XIAP: variants seen among roughly 807,000 people sequenced by gnomAD.
The protein encoded by XIAP is X-linked inhibitor of apoptosis, also known as E3 ubiquitin-protein ligase XIAP.
A neutral mutation model predicts 33.1 loss-of-function variants in XIAP; 3 were observed. The ratio of observed to expected loss-of-function variants is 0.09; its 90% confidence interval spans 0.04 to 0.23. XIAP has a LOEUF of 0.23. XIAP is among the 10% of genes least tolerant of loss of function. The pLI is 1.00. For missense variants in XIAP, 264 were observed against 363.0 expected (o/e 0.73, Z 2.22); for synonymous variants, 98 against 121.3 (o/e 0.81, Z 1.26).
intron 6 of XIAP, among the ~76,000 whole-genome samples, chrX:123,902,076 A>G (rs898380529): frequency 8.9e-6 from 1 of 112,223 alleles, no homozygotes; most frequent in African/African-American, 3.2e-5. Context: ...CAGAAACACA[A>G]GCAATTGTGT....
chrX:123,913,451 T>TA lies in XIAP; in HGVS notation c.*6271dup, dbSNP rs1336810008. ...CGCCACCGCACTCCAGCCTAGGTGA[T>TA]AGAGTGAGACTCCCTCTCAAAAACA... On this transcript the variant is annotated 3_prime_UTR_variant, in exon 7 of 7. Coordinates refer to ENST00000371199, the MANE Select transcript of XIAP (RefSeq NM_001167.4). 3 of 329,020 alleles carry TA rather than the reference T, an allele frequency of 9.1e-6. No homozygotes were observed. Among genetic ancestry groups the TA allele is most frequent in the Non-Finnish European group, 1.8e-5 (3 of 169,858 alleles). The allele number at this position is 329,020 out of a possible 1,213,427, so 27.1% of individuals were successfully genotyped here. A position where few individuals can be genotyped will look rare whatever the true frequency, so the allele number is the denominator to read the frequency against.
chrX:123,891,020 C>T (rs752699861), intron 3 of XIAP, among the ~76,000 whole-genome samples: 5 of 111,079 alleles, frequency 4.5e-5, no homozygotes, highest in Admixed American at 1.9e-4. Context: ...ATATTTTTTG[C>T]TCTACTAATA....
chrX:123,886,919 CTTTG>C (rs1465305412), intron 2 of XIAP, among the ~76,000 whole-genome samples: 5 of 111,220 alleles, frequency 4.5e-5, no homozygotes, highest in African/African-American at 1.3e-4. Flanking sequence ...TTCACAATAG[CTTTG>C]TTTGTTTGTT....
Position 123,909,628 on chromosome X carries a change from T to C in XIAP, c.*2447T>C, listed in dbSNP as rs1217834994. The C allele has an allele frequency of 3.0e-6, 1 of 329,744 alleles. No homozygotes were observed. Among genetic ancestry groups the C allele is most frequent in the Non-Finnish European group, 5.9e-6 (1 of 170,050 alleles). 27.2% of individuals were successfully genotyped at this position (329,744 alleles called of 1,213,427 possible). ...ACTCAAGGACTGAATTGTTTTAACA[T>C]AAGGCTTTTCCTGTTCTGGGAGCCG... On this transcript the variant is annotated 3_prime_UTR_variant, in exon 7 of 7. Transcript: ENST00000371199.
In XIAP at chrX:123,909,228, A is replaced by G. The variant is rs1285369146; in HGVS notation, c.*2047A>G. 2 of 307,880 alleles carry G rather than the reference A, an allele frequency of 6.5e-6. No individual in the cohort carries two copies. The highest frequency in any genetic ancestry group is 2.0e-4 in the East Asian group (2 of 10,063). The allele number at this position is 307,880 out of a possible 1,213,427, so 25.4% of individuals were successfully genotyped here. On this transcript the variant is annotated 3_prime_UTR_variant, in exon 7 of 7. Transcript: ENST00000371199. ...TTATTTTTAGTAGAGACGGGGTTTC[A>G]CCATGTTGGCCAGGCTGGTATCAAA...
chrX:123,898,436 C>T (rs2053479957), intron 5 of XIAP, among the ~76,000 whole-genome samples: 1 of 111,461 alleles, frequency 9.0e-6, no homozygotes, highest in African/African-American at 3.3e-5. Flanking sequence ...GATCTCGGCT[C>T]ACCGCAACCT....
In XIAP at chrX:123,913,056, C is replaced by G. The variant is rs1255034914; in HGVS notation, c.*5875C>G. 3.1e-6 allele frequency: 1 copy of G among 321,174 alleles called. No homozygotes were observed. The highest frequency in any genetic ancestry group is 3.2e-5 in the Admixed American group (1 of 31,460). The allele number at this position is 321,174 out of a possible 1,213,427, so 26.5% of individuals were successfully genotyped here. A position where few individuals can be genotyped will look rare whatever the true frequency, so the allele number is the denominator to read the frequency against. On this transcript the variant is annotated 3_prime_UTR_variant, in exon 7 of 7. Transcript: ENST00000371199. Reference sequence around the variant, plus strand: ...TCGGCCTCACAAAGTGCTGGGATTACAGGTGTGAACCACTGCTCCCGGCCT... The same window carrying G: ...TCGGCCTCACAAAGTGCTGGGATTAGAGGTGTGAACCACTGCTCCCGGCCT...
chrX:123,886,572 C>T (rs775923725), intron 2 of XIAP, 33 bp downstream of exon 2: 3 of 1,191,875 alleles, frequency 2.5e-6, no homozygotes, highest in Non-Finnish European at 3.4e-6. Context: ...TAAATAGCTT[C>T]CCAAGTATGC....
intron 5 of XIAP, among the ~76,000 whole-genome samples, chrX:123,897,630 T>A (rs965571489): frequency 9.0e-6 from 1 of 111,289 alleles, no homozygotes; most frequent in Non-Finnish European, 1.9e-5. Flanking sequence ...TAGTGCGATC[T>A]TGGCTCACTG....
chrX:123,902,842 G>C (rs2053525570), intron 6 of XIAP, among the ~76,000 whole-genome samples: 1 of 111,660 alleles, frequency 9.0e-6, no homozygotes, highest in African/African-American at 3.2e-5. Context: ...TTCTAGAAGA[G>C]GTTTTAAATA....
rs1445120674 is a variant in XIAP at position 123,908,037 on chromosome X, C to T, written c.*856C>T. The stretch of plus-strand genomic sequence containing the variant: ...TCTACTTTTTTCATTTTGTTCTGTT[C>T]GAATTTTTTATAAGTATGTATTACT... On this transcript the variant is annotated 3_prime_UTR_variant, in exon 7 of 7. Transcript: ENST00000371199. 6 of 367,586 alleles carry T rather than the reference C, an allele frequency of 1.6e-5. No individual in the cohort carries two copies. The highest frequency in any genetic ancestry group is 5.9e-5 in the East Asian group (1 of 16,827). 30.3% of individuals were successfully genotyped at this position (367,586 alleles called of 1,213,427 possible). A position where few individuals can be genotyped will look rare whatever the true frequency, so the allele number is the denominator to read the frequency against.
rs776377233 is a variant in XIAP at position 123,900,587 on chromosome X, G to T, written c.1194G>T (p.Gln398His). Residue 398 changes from glutamine (Q) to histidine (H), a missense_variant, in exon 6 of 7, where the codon CAG becomes CAT. Coordinates refer to ENST00000371199, the MANE Select transcript of XIAP (RefSeq NM_001167.4). ...AGAAAATAATGGAGGAAAAAATTCA[G>T]ATATCTGGGAGCAACTATAAATCAC... ...DIKKIMEEKIQISGSNYKSLE... is the reference protein window; with the variant it reads ...DIKKIMEEKIHISGSNYKSLE... 35 of 1,209,287 alleles carry T rather than the reference G, an allele frequency of 2.9e-5. No individual in the cohort carries two copies. The Middle Eastern group carries it at 6.9e-4, about 24-fold the overall frequency.
intron 5 of XIAP, among the ~76,000 whole-genome samples, chrX:123,893,182 G>A (rs1434334146): frequency 1.8e-5 from 2 of 109,559 alleles, no homozygotes; most frequent in African/African-American, 6.6e-5. Context: ...GTTCTTCCAA[G>A]GTCACCATGA....
chrX:123,913,413 G>T lies in XIAP; in HGVS notation c.*6232G>T, dbSNP rs1422146431. On this transcript the variant is annotated 3_prime_UTR_variant, in exon 7 of 7. Transcript: ENST00000371199. ...TGAACCTGGGAGGCGGAGGTTGCAG[G>T]GAGCCAAGATGGCGCCACCGCACTC... is the stretch of plus-strand genomic sequence containing the variant. 3.1e-6 allele frequency: 1 copy of T among 326,824 alleles called. No individual in the cohort carries two copies. Among genetic ancestry groups the T allele is most frequent in the East Asian group, 9.7e-5 (1 of 10,272 alleles). 26.9% of individuals were successfully genotyped at this position (326,824 alleles called of 1,213,427 possible).
chrX:123,892,740 A>G lies in XIAP; in HGVS notation c.1066A>G (p.Thr356Ala). ...HSLEECLVRT[T>A]EKTPSLTRRI... Reference sequence around the variant, plus strand: ...CCTATTTCTGTTACAGGTAAGAACTACTGAGAAAACACCATCACTAACTAG... The same window carrying G: ...CCTATTTCTGTTACAGGTAAGAACTGCTGAGAAAACACCATCACTAACTAG... Residue 356 changes from threonine (T) to alanine (A), a missense_variant, in exon 5 of 7, where the codon ACT (threonine) becomes GCT (alanine). Physicochemically the swap from Thr to Ala is moderately conservative, Grantham distance 58. Coordinates refer to ENST00000371199, the MANE Select transcript of XIAP (RefSeq NM_001167.4). 1 of 1,203,177 alleles carries G rather than the reference A, an allele frequency of 8.3e-7. No individual in the cohort carries two copies. Among genetic ancestry groups the G allele is most frequent in the Non-Finnish European group, 1.1e-6 (1 of 888,190 alleles).
intron 5 of XIAP, among the ~76,000 whole-genome samples, chrX:123,893,062 C>T (rs777048581): frequency 1.8e-4 from 20 of 108,630 alleles, no homozygotes; most frequent in Middle Eastern, 4.7e-3. Context: ...TCTTGTGATG[C>T]GCCCGCCTCG....
chrX:123,912,216 G>GAAAAAAAAAAAAAAAAAAA lies in XIAP; in HGVS notation c.*5047_*5048insAAAAAAAAAAAAAAAAAAA. 1 of 207,689 alleles carries GAAAAAAAAAAAAAAAAAAA rather than the reference G, an allele frequency of 4.8e-6. No individual in the cohort carries two copies. The highest frequency in any genetic ancestry group is 8.7e-6 in the Non-Finnish European group (1 of 114,936). 17.1% of individuals were successfully genotyped at this position (207,689 alleles called of 1,213,427 possible). ...ACCAAGGAGGAATTGAAAACACTGAGAAAAAAAAAAAAGACCACACAATAA... is the reference window on the plus strand; with the variant it reads ...ACCAAGGAGGAATTGAAAACACTGAGAAAAAAAAAAAAAAAAAAAAAAAAAAAAAAAGACCACACAATAA... On this transcript the variant is annotated 3_prime_UTR_variant, in exon 7 of 7. Transcript: ENST00000371199.
intron 2 of XIAP, among the ~76,000 whole-genome samples, chrX:123,887,600 T>C (rs2053363479): frequency 8.9e-6 from 1 of 112,385 alleles, no homozygotes; most frequent in Non-Finnish European, 1.9e-5. Flanking sequence ...TGTAGAACTT[T>C]AATGTTACTA....
At chrX:123,872,470 C>T (rs2053203637) in intron 1 of XIAP, among the ~76,000 whole-genome samples, 1 of 110,245 alleles carries the variant, frequency 9.1e-6, no homozygotes, top group Non-Finnish European at 1.9e-5. Context: ...GGCAGATCAC[C>T]TGAAGTCAGA....
Sources: allele counts gnomAD v4.1 joint callset (sites outside exome capture counted in the v4.1 genomes callset), GRCh38; gene constraint gnomAD v4.1.1; transcripts MANE v1.5; gene names NCBI Gene and HGNC (gene_info 2026-07-23, HGNC 2026-07-21).